CSMD1: variants seen among roughly 807,000 people sequenced by gnomAD.
CSMD1 encodes the protein CUB and sushi domain-containing protein 1.
Under a neutral mutation model 417.5 loss-of-function variants are expected in CSMD1, and 213 were observed. That is an observed-to-expected ratio of 0.51 (90% CI 0.46 to 0.57). The LOEUF is 0.57. Ranked by LOEUF, CSMD1 falls within the 20% of genes least tolerant of loss-of-function variation. CSMD1 has a pLI of 0.00. For synonymous variants in CSMD1, 2,862 were observed against 1,736.8 expected (o/e 1.65, Z -16.11); for missense variants, 6,923 against 4,529.7 (o/e 1.53, Z -15.17).
chr8:4,371,855 A>T (rs1164177208), intron 3 of CSMD1, among the ~76,000 whole-genome samples: 11 of 152,222 alleles, frequency 7.2e-5, no homozygotes, highest in Non-Finnish European at 1.2e-4. Context: ...AATTGATCAA[A>T]ATAAATATTT....
At position 3,709,680 on chromosome 8, in the gene CSMD1, G is replaced by GTTTTTT. The variant is rs56272726; in HGVS notation, c.932-1195_932-1190dup. ...GATGGGCTTTAAATTGCAGCAGCAT[G>GTTTTTT]TTTTTTTTTTTTTTTTTTTTTTTTT... On this transcript the variant is annotated intron_variant, in intron 6 of 69. Transcript: ENST00000635120. 5.3e-3 allele frequency among the ~76,000 whole-genome samples: 180 copies of GTTTTTT among 33,664 alleles called. 24 individuals are homozygous for GTTTTTT. The highest frequency in any genetic ancestry group is 7.1e-3 in the Non-Finnish European group (125 of 17,518). The allele number at this position is 33,664 out of a possible 152,430, so 22.1% of individuals were successfully genotyped here. A position where few individuals can be genotyped will look rare whatever the true frequency, so the allele number is the denominator to read the frequency against.
At chr8:4,742,074 A>G (rs1466840746) in intron 1 of CSMD1, among the ~76,000 whole-genome samples, 8 of 116,168 alleles carry the variant, frequency 6.9e-5, no homozygotes, top group African/African-American at 2.7e-4. Flanking sequence ...TCTGTCGCCC[A>G]GGCTGGAGTG....
At chr8:3,440,306 G>C (rs752577995) in intron 12 of CSMD1, among the ~76,000 whole-genome samples, 3 of 151,976 alleles carry the variant, frequency 2.0e-5, no homozygotes, top group Non-Finnish European at 4.4e-5. Context: ...TACTTATTTT[G>C]ATCTTTGGTT....
At chr8:3,535,483 G>A (rs903238261) in intron 10 of CSMD1, among the ~76,000 whole-genome samples, 2 of 152,110 alleles carry the variant, frequency 1.3e-5, no homozygotes, top group African/African-American at 4.8e-5. Context: ...TTATAAGTGG[G>A]AGCTAAATAT....
intron 6 of CSMD1, among the ~76,000 whole-genome samples, chr8:3,736,670 G>A (rs1221113909): frequency 2.0e-5 from 3 of 152,208 alleles, no homozygotes; most frequent in African/African-American, 7.2e-5. Context: ...GACCTGGCCT[G>A]ACTCAGCTTC....
chr8:4,444,525 C>G (rs955604196), intron 2 of CSMD1, among the ~76,000 whole-genome samples: 2 of 151,920 alleles, frequency 1.3e-5, no homozygotes, highest in African/African-American at 4.8e-5. Flanking sequence ...TTTTTAGCCA[C>G]GGAGAACAAT....
rs375750589 is a variant in CSMD1, at chr8:3,807,429, T to C, written c.819-53387A>G. On this transcript the variant is annotated intron_variant, in intron 5 of 69. Transcript: ENST00000635120. ...TCAGCAGAGGATGTTTTCTCTGATT[T>C]TTTTTATATGTGTAATGAAAGGCAA... Among the ~76,000 whole-genome samples, 8 of 152,120 alleles carry C rather than the reference T, an allele frequency of 5.3e-5. 1 individual carries two copies. The highest frequency in any genetic ancestry group is 1.7e-4 in the African/African-American group (7 of 41,534).
At chr8:4,989,746 T>C (rs1385995202) in intron 1 of CSMD1, among the ~76,000 whole-genome samples, 1 of 152,206 alleles carries the variant, frequency 6.6e-6, no homozygotes, top group Non-Finnish European at 1.5e-5. Flanking sequence ...GTATTTAATA[T>C]GCCATTTGCA....
intron 3 of CSMD1, among the ~76,000 whole-genome samples, chr8:4,231,392 T>C (rs192746024): frequency 1.3e-5 from 2 of 152,274 alleles, no homozygotes; most frequent in East Asian, 3.9e-4. Flanking sequence ...AATAGGAGCA[T>C]ATTTGTCTCA....
chr8:4,410,128 C>G (rs1214332094), intron 3 of CSMD1, among the ~76,000 whole-genome samples: 3 of 152,130 alleles, frequency 2.0e-5, no homozygotes, highest in African/African-American at 4.8e-5. Context: ...ACTTTATAAT[C>G]TTTGAAGCCA....
chr8:4,947,737 G>C (rs1390085710), intron 1 of CSMD1, among the ~76,000 whole-genome samples: 3 of 151,992 alleles, frequency 2.0e-5, no homozygotes, highest in Non-Finnish European at 4.4e-5. Context: ...GAGTTTGCTT[G>C]CTTGATACAT....
intron 1 of CSMD1, among the ~76,000 whole-genome samples, chr8:4,833,716 T>C (rs760776479): frequency 7.9e-5 from 12 of 152,300 alleles, no homozygotes; most frequent in Non-Finnish European, 1.6e-4. Flanking sequence ...GGAGGGTGAC[T>C]CTTCAAACCT....
chr8:4,122,596 A>C (rs1226668263), intron 3 of CSMD1, among the ~76,000 whole-genome samples: 1 of 152,200 alleles, frequency 6.6e-6, no homozygotes, highest in African/African-American at 2.4e-5. Context: ...CTACAAAATT[A>C]GGGCTCTTCT....
intron 1 of CSMD1, among the ~76,000 whole-genome samples, chr8:4,689,912 A>G (rs533743437): frequency 1.3e-5 from 2 of 152,320 alleles, no homozygotes; most frequent in South Asian, 4.1e-4. Context: ...GCCTGTTTTA[A>G]TACACAGCTA....
At chr8:4,076,424 T>C (rs13264206) in intron 3 of CSMD1, among the ~76,000 whole-genome samples, 114 of 152,316 alleles carry the variant, frequency 7.5e-4, no homozygotes, top group South Asian at 1.9e-3. Flanking sequence ...ACAATAAGCA[T>C]AGACTTTCTC....
chr8:4,466,182 T>C (rs1800155935), intron 2 of CSMD1, among the ~76,000 whole-genome samples: 1 of 152,078 alleles, frequency 6.6e-6, no homozygotes, highest in Non-Finnish European at 1.5e-5. Context: ...TAAGAGCTGT[T>C]TAAGATTGGG....
At chr8:4,667,616 C>A (rs988609380) in intron 1 of CSMD1, among the ~76,000 whole-genome samples, 8 of 151,970 alleles carry the variant, frequency 5.3e-5, no homozygotes, top group African/African-American at 1.9e-4. Flanking sequence ...TGTATTGGAA[C>A]GCTATTGCAT....
intron 26 of CSMD1, among the ~76,000 whole-genome samples, chr8:3,249,437 T>A (rs1800114402): frequency 6.6e-6 from 1 of 152,194 alleles, no homozygotes; most frequent in African/African-American, 2.4e-5. Flanking sequence ...TTGGCCAGGC[T>A]GGCCTTGAAC....
intron 5 of CSMD1, among the ~76,000 whole-genome samples, chr8:3,812,342 G>T (rs1801135480): frequency 6.6e-6 from 1 of 152,168 alleles, no homozygotes. Context: ...TCATGTGAAT[G>T]ACAATTTGTC....
Sources: allele counts gnomAD v4.1 joint callset (sites outside exome capture counted in the v4.1 genomes callset), GRCh38; gene constraint gnomAD v4.1.1; transcripts MANE v1.5; gene names NCBI Gene and HGNC (gene_info 2026-07-23, HGNC 2026-07-21).